Variants in SMC6 observed in about 807,000 individuals in gnomAD.
SMC6 encodes the protein structural maintenance of chromosomes 6, also known as structural maintenance of chromosomes protein 6.
Under a neutral mutation model 142.2 loss-of-function variants are expected in SMC6, and 79 were observed. The observed-to-expected ratio is 0.56, with a 90% CI of 0.46 to 0.67. The LOEUF (loss-of-function observed/expected upper bound fraction) is 0.67, where lower values mean the gene tolerates loss of function less well. SMC6 is among the 30% of genes least tolerant of loss of function. The pLI, the probability that SMC6 is intolerant of heterozygous loss-of-function variation, is 0.00. For synonymous variants in SMC6, 411 were observed against 412.4 expected (o/e 1.00, Z 0.04); for missense variants, 1,072 against 1,284.0 (o/e 0.83, Z 2.52).
Position 17,716,016 on chromosome 2 carries a change from A to C in SMC6, c.1525+70T>G, listed in dbSNP as rs562177621. The C allele has an allele frequency of 1.0e-3, 1,182 of 1,146,954 alleles. 2 individuals are homozygous for C. Among genetic ancestry groups the C allele is most frequent in the South Asian group, 3.1e-3 (137 of 44,398 alleles). The allele number at this position is 1,146,954 out of a possible 1,614,324, so 71.0% of individuals were successfully genotyped here. The stretch of plus-strand genomic sequence containing the variant: ...GAAATCATTTTATTTCGAAAACTTC[A>C]TTCAATCGTTCTGAAAATAAAAACT... On this transcript the variant is annotated intron_variant, in intron 15 of 27. Transcript: ENST00000448223.
intron 21 of SMC6, among the ~76,000 whole-genome samples, chr2:17,697,524 A>T (rs753028905): frequency 2.6e-5 from 4 of 152,110 alleles, no homozygotes; most frequent in Non-Finnish European, 5.9e-5. Context: ...TCAGAACCCA[A>T]CTGTAAAACG....
intron 2 of SMC6, among the ~76,000 whole-genome samples, chr2:17,750,155 A>G (rs1408645041): frequency 6.6e-6 from 1 of 152,242 alleles, no homozygotes; most frequent in Non-Finnish European, 1.5e-5. Context: ...CTGAACACTT[A>G]GATTTCTGTA....
At chr2:17,730,855 C>T (rs1669882134) in intron 7 of SMC6, among the ~76,000 whole-genome samples, 1 of 151,708 alleles carries the variant, frequency 6.6e-6, no homozygotes, top group South Asian at 2.1e-4. Flanking sequence ...CTCAGGTGAT[C>T]CACCCGCCTT....
At chr2:17,671,250 G>A (rs1305221751) in intron 25 of SMC6, among the ~76,000 whole-genome samples, 3 of 151,918 alleles carry the variant, frequency 2.0e-5, no homozygotes, top group Non-Finnish European at 2.9e-5. Flanking sequence ...TAGTGGTTAA[G>A]CTGCATTAAA....
chr2:17,745,684 C>T (rs540494086), intron 3 of SMC6, 143 bp downstream of exon 3: 43 of 772,480 alleles, frequency 5.6e-5, no homozygotes, highest in Admixed American at 7.8e-5. Flanking sequence ...ACATAAGCTT[C>T]AAAATTACCC....
At chr2:17,695,058 C>T (rs1036116047) in intron 23 of SMC6, 94 bp downstream of exon 23, 3 of 1,370,088 alleles carry the variant, frequency 2.2e-6, no homozygotes, top group African/African-American at 2.9e-5. Context: ...AGTAACACTT[C>T]ATTCAAATTT....
rs1414696380 is a variant in SMC6, at chr2:17,703,213, T to C, written c.2086A>G (p.Ile696Val). The C allele has an allele frequency of 1.3e-6, 2 of 1,588,656 alleles. No homozygotes were observed. Among genetic ancestry groups the C allele is most frequent in the African/African-American group, 1.4e-5 (1 of 73,936 alleles). The change falls in exon 19 of 28, where the codon ATT becomes GTT. Residue 696 changes from isoleucine (I) to valine (V), a missense_variant. Transcript: ENST00000448223. ...QQHLSALEKD[I>V]KHNEELLKRC... ...TTAAGAAGTTCCTCATTGTGTTTAA[T>C]ATCTTTTTCAAGGGCAGATAAATGT... is the stretch of plus-strand genomic sequence containing the variant.
At chr2:17,713,354 T>C in intron 16 of SMC6, 1 of 391,682 alleles carries the variant, frequency 2.6e-6, no homozygotes, top group Non-Finnish European at 5.2e-6. Flanking sequence ...TAGCAACTCC[T>C]GAGGCCCTTG....
chr2:17,710,151 C>T (rs1338452448), intron 16 of SMC6, among the ~76,000 whole-genome samples: 1 of 152,174 alleles, frequency 6.6e-6, no homozygotes, highest in Non-Finnish European at 1.5e-5. Flanking sequence ...CTGTGCAATT[C>T]TCAAGGGAAA....
At chr2:17,685,806 C>T (rs1294687239) in intron 23 of SMC6, among the ~76,000 whole-genome samples, 1 of 151,952 alleles carries the variant, frequency 6.6e-6, no homozygotes, top group Non-Finnish European at 1.5e-5. Flanking sequence ...TAAAAATAAT[C>T]TTTTCATGGC....
chr2:17,665,501 A>C lies in SMC6; in HGVS notation c.3274T>G (p.Ter1092GlyextTer4). ...VTQEEDDDQR[*>G] ...GACAAGGCATGTTAAGTTACAAATC[A>C]CCTTTGGTCATCATCTTCTTCTTGA... The change falls in exon 28 of 28, where the codon TGA becomes GGA. Residue 1092 changes from the stop codon to glycine (G), a stop_lost. Coordinates refer to ENST00000448223, the MANE Select transcript of SMC6 (RefSeq NM_001142286.2). 1 of 1,602,240 alleles carries C rather than the reference A, an allele frequency of 6.2e-7. No individual in the cohort carries two copies. Among genetic ancestry groups the C allele is most frequent in the African/African-American group, 1.3e-5 (1 of 74,666 alleles).
At chr2:17,684,427 A>G (rs1180542932) in intron 23 of SMC6, among the ~76,000 whole-genome samples, 1 of 152,222 alleles carries the variant, frequency 6.6e-6, no homozygotes, top group East Asian at 1.9e-4. Flanking sequence ...TTATGGGGAA[A>G]ATATGAAAAA....
chr2:17,737,855 A>G (rs1670230811), intron 5 of SMC6, among the ~76,000 whole-genome samples: 1 of 152,142 alleles, frequency 6.6e-6, no homozygotes, highest in African/African-American at 2.4e-5. Context: ...TCTCCCTACT[A>G]TCGTATCAAT....
rs774258495 is a variant in SMC6 at position 17,695,286 on chromosome 2, T to C, written c.2544A>G (p.Ser848=). Residue 848 remains serine (S), a synonymous_variant, in exon 23 of 28, where the codon TCA becomes TCG. Transcript: ENST00000448223. ...MKEKELEEKM[S]QARQICPERI... The stretch of plus-strand genomic sequence containing the variant: ...GCTCTGGGCAGATTTGTCTTGCTTG[T>C]GACATTTTCTCCTAAGAAAGTAGAT... The C allele has an allele frequency of 3.0e-5, 49 of 1,612,142 alleles. No individual in the cohort carries two copies. Among genetic ancestry groups the C allele is most frequent in the Non-Finnish European group, 3.8e-5 (45 of 1,179,644 alleles).
intron 25 of SMC6, among the ~76,000 whole-genome samples, chr2:17,678,497 G>A (rs1370161936): frequency 6.6e-6 from 1 of 152,018 alleles, no homozygotes; most frequent in Admixed American, 6.6e-5. Flanking sequence ...GCTGGGCATG[G>A]TGGCTCACAC....
chr2:17,728,185 C>CAA (rs905148488), intron 7 of SMC6, among the ~76,000 whole-genome samples: 7 of 152,228 alleles, frequency 4.6e-5, no homozygotes, highest in African/African-American at 1.7e-4. Flanking sequence ...CCTATAATCT[C>CAA]AGCACTTTGG....
chr2:17,745,283 T>C (rs1449050303), intron 3 of SMC6, among the ~76,000 whole-genome samples: 1 of 149,540 alleles, frequency 6.7e-6, no homozygotes, highest in Non-Finnish European at 1.5e-5. Flanking sequence ...TAATTCTTCT[T>C]TAAATGTTTG....
At chr2:17,674,150 C>T (rs1357557111) in intron 25 of SMC6, among the ~76,000 whole-genome samples, 1 of 152,096 alleles carries the variant, frequency 6.6e-6, no homozygotes, top group Non-Finnish European at 1.5e-5. Flanking sequence ...GAACTTAGAT[C>T]ATTAATGTTC....
At chr2:17,697,767 T>C (rs951226321) in intron 21 of SMC6, among the ~76,000 whole-genome samples, 1 of 152,078 alleles carries the variant, frequency 6.6e-6, no homozygotes, top group African/African-American at 2.4e-5. Flanking sequence ...AATGGTACAG[T>C]CACTTTGGAA....
Sources: gnomAD v4.1 joint callset for allele counts (sites outside exome capture counted in the v4.1 genomes callset) on GRCh38, gnomAD v4.1.1 for gene constraint, MANE v1.5 for transcripts, NCBI Gene and HGNC (gene_info 2026-07-23, HGNC 2026-07-21) for gene names.